Variants in PHRF1 observed in about 807,000 individuals in gnomAD.
PHRF1 encodes the protein PHD and ring finger domains 1.
A neutral mutation model predicts 128.9 loss-of-function variants in PHRF1; 53 were observed. The ratio of observed to expected loss-of-function variants is 0.41; its 90% CI spans 0.33 to 0.52. PHRF1 has a LOEUF of 0.52. Among genes scored for constraint, PHRF1 ranks in the 20% least tolerant of loss-of-function variants. The pLI, the probability that PHRF1 is intolerant of heterozygous loss-of-function variation, is 0.21. For missense variants in PHRF1, 2,503 were observed against 2,284.5 expected (o/e 1.10, Z -1.95); for synonymous variants, 1,178 against 980.6 (o/e 1.20, Z -3.76).
intron 5 of PHRF1, among the ~76,000 whole-genome samples, chr11:591,939 A>G (rs1455515737): frequency 1.3e-5 from 2 of 148,828 alleles, no homozygotes; most frequent in African/African-American, 5.0e-5. Context: ...TCCCGAGACA[A>G]GAGTCTCGCT....
rs771154760 is a variant in PHRF1 at position 609,228 on chromosome 11, G to A, written c.3772G>A (p.Asp1258Asn). The A allele has an allele frequency of 5.7e-5, 92 of 1,610,476 alleles. No individual in the cohort carries two copies. Among genetic ancestry groups the A allele is most frequent in the Non-Finnish European group, 7.7e-5 (91 of 1,179,880 alleles). ...AGCTGAGTGTGAGCCGGACGACCTG[G>A]ACCTGGATTATGGCGACTCCGTGGA... is the stretch of plus-strand genomic sequence containing the variant. ...VAAECEPDDLDLDYGDSVEAG... is the reference protein window; with the variant it reads ...VAAECEPDDLNLDYGDSVEAG... Residue 1258 changes from aspartate to asparagine, a missense_variant, in exon 14 of 18, where the codon GAC becomes AAC. Asp to Asn is a conservative substitution (Grantham distance 23). Coordinates refer to ENST00000264555, the MANE Select transcript of PHRF1 (RefSeq NM_001286581.2).
At chr11:586,285 G>C (rs1162158482) in intron 3 of PHRF1, among the ~76,000 whole-genome samples, 1 of 152,186 alleles carries the variant, frequency 6.6e-6, no homozygotes, top group African/African-American at 2.4e-5. Context: ...GAGCCACCAC[G>C]CCCGGCCAGT....
In PHRF1 at chr11:609,217, C is replaced by T. The variant is rs77409873; in HGVS notation, c.3761C>T (p.Pro1254Leu). The change falls in exon 14 of 18, where the codon CCG (proline) becomes CTG (leucine). Residue 1254 changes from proline to leucine, a missense_variant. Physicochemically the swap from Pro to Leu is moderately conservative, Grantham distance 98. Transcript: ENST00000264555. ...PVLEVAAECE[P>L]DDLDLDYGDS... ...CTGGAGGTGGCAGCTGAGTGTGAGCCGGACGACCTGGACCTGGATTATGGC... is the reference window on the plus strand; with the variant it reads ...CTGGAGGTGGCAGCTGAGTGTGAGCTGGACGACCTGGACCTGGATTATGGC... The T allele has an allele frequency of 1.1e-4, 171 of 1,609,630 alleles. No homozygotes were observed. In the East Asian group the frequency reaches 1.2e-3, roughly 12 times the overall value.
At chr11:610,815 A>G in intron 16 of PHRF1, 54 bp downstream of exon 16, 4 of 1,587,982 alleles carry the variant, frequency 2.5e-6, no homozygotes, top group Non-Finnish European at 3.4e-6. Flanking sequence ...TTTGAAACTA[A>G]AGTTGTTGGG....
At chr11:578,627 C>T (rs1034203313) in intron 1 of PHRF1, among the ~76,000 whole-genome samples, 1 of 152,202 alleles carries the variant, frequency 6.6e-6, no homozygotes, top group Non-Finnish European at 1.5e-5. Flanking sequence ...TGTTTGTTCA[C>T]ATACTATGGC....
Position 609,385 on chromosome 11 carries a change from C to G in PHRF1, c.3929C>G (p.Pro1310Arg), listed in dbSNP as rs755161238. The change falls in exon 14 of 18, where the codon CCC becomes CGC. Residue 1310 changes from proline (P) to arginine (R), a missense_variant. Physicochemically the swap from Pro to Arg is moderately radical, Grantham distance 103 (BLOSUM62 -2). Transcript: ENST00000264555. ...GACTTCCCACTGAAGCCTGCGTTGC[C>G]CCCAGCCAGCCTGGCCGTGGCCGCC... Reference protein sequence around the residue: ...ERDFPLKPALPPASLAVAAIQ... With the variant: ...ERDFPLKPALRPASLAVAAIQ... 2 of 1,611,510 alleles carry G rather than the reference C, an allele frequency of 1.2e-6. No homozygotes were observed. Among genetic ancestry groups the G allele is most frequent in the African/African-American group, 2.7e-5 (2 of 74,956 alleles).
chr11:607,688 C>A lies in PHRF1; in HGVS notation c.2232C>A (p.His744Gln). Residue 744 changes from histidine to glutamine, a missense_variant, in exon 14 of 18, where the codon CAC becomes CAA. Transcript: ENST00000264555. Reference protein sequence around the residue: ...SSRVPREPGVHTGSSRPPAPS... With the variant: ...SSRVPREPGVQTGSSRPPAPS... ...GGGTGCCCCGGGAGCCCGGGGTGCA[C>A]ACGGGCAGCTCCCGGCCCCCAGCCC... 6.2e-7 allele frequency: 1 copy of A among 1,610,250 alleles called. No homozygotes were observed. Among genetic ancestry groups the A allele is most frequent in the Non-Finnish European group, 8.5e-7 (1 of 1,178,334 alleles).
intron 3 of PHRF1, among the ~76,000 whole-genome samples, chr11:583,432 G>A (rs183851954): frequency 2.0e-5 from 3 of 151,836 alleles, no homozygotes; most frequent in Non-Finnish European, 2.9e-5. Context: ...TTGGAGGATC[G>A]CTTGAGCCCA....
chr11:597,239 A>G lies in PHRF1; in HGVS notation c.719-156A>G, dbSNP rs191742029. ...CATTGGCTGGGGGGTTCCGGTCCTC[A>G]GTGTTAGGAGCACCAGGCTCCATGA... On this transcript the variant is annotated intron_variant, in intron 7 of 17. Transcript: ENST00000264555. This position sits in a 1 kb window ranked among gnomAD's most constrained non-coding sequence, Gnocchi z 6.5. Among the ~76,000 whole-genome samples the G allele has an allele frequency of 2.3e-3, 341 of 151,292 alleles. 3 individuals are homozygous for G. Among genetic ancestry groups the G allele is most frequent in the South Asian group, 5.2e-3 (25 of 4,780 alleles).
chr11:577,551 C>T (rs2134152046), intron 1 of PHRF1, among the ~76,000 whole-genome samples: 1 of 152,380 alleles, frequency 6.6e-6, no homozygotes, highest in African/African-American at 2.4e-5. Context: ...AGCATCATGG[C>T]CATGACAAGC....
intron 4 of PHRF1, among the ~76,000 whole-genome samples, chr11:588,124 C>T (rs1458600236): frequency 6.6e-6 from 1 of 152,190 alleles, no homozygotes; most frequent in Non-Finnish European, 1.5e-5. Context: ...ATTGCACCAG[C>T]AGCCCGTGCT....
rs116828268 is a variant in PHRF1 at position 597,074 on chromosome 11, C to T, written c.718+54C>T. Reference sequence around the variant, plus strand: ...CACATGGGCCTTCTCACTGTCCACTCTGCGGTCCCCGGGGTTAGGTTTGGC... The same window carrying T: ...CACATGGGCCTTCTCACTGTCCACTTTGCGGTCCCCGGGGTTAGGTTTGGC... On this transcript the variant is annotated intron_variant, in intron 7 of 17. Coordinates refer to ENST00000264555, the MANE Select transcript of PHRF1 (RefSeq NM_001286581.2). The surrounding 1 kb of genome is among the most constrained non-coding windows in gnomAD (Gnocchi z 6.5). The T allele has an allele frequency of 2.5e-3, 3,832 of 1,553,402 alleles. 74 individuals carry two copies. In the African/African-American group the frequency reaches 0.044, roughly 18 times the overall value.
rs889942299 is a variant in PHRF1, at chr11:607,722, C to T, written c.2266C>T (p.His756Tyr). ...CTCCCGGCCCCCAGCCCCCAGCTCC[C>T]ATGGCAGTTTGGCCCCACTGGGACC... ...GSSRPPAPSS[H>Y]GSLAPLGPSR... Residue 756 changes from histidine to tyrosine, a missense_variant, in exon 14 of 18, where the codon CAT becomes TAT. Physicochemically the swap from His to Tyr is moderately conservative, Grantham distance 83 (BLOSUM62 2). Transcript: ENST00000264555. 4.3e-6 allele frequency: 7 copies of T among 1,611,834 alleles called. No homozygotes were observed. In the African/African-American group the frequency reaches 9.3e-5, roughly 22 times the overall value.
At position 607,671 on chromosome 11, in the gene PHRF1, C is replaced by T. The variant is rs765691554; in HGVS notation, c.2215C>T (p.Arg739Trp). Residue 739 changes from arginine to tryptophan, a missense_variant, in exon 14 of 18, where the codon CGG becomes TGG. By Grantham distance (101) the Arg-to-Trp change is moderately radical (BLOSUM62 -3). Transcript: ENST00000264555. ...AESEASSRVP[R>W]EPGVHTGSSR... Reference sequence around the variant, plus strand: ...GAGCGAGGCCAGCAGCAGGGTGCCCCGGGAGCCCGGGGTGCACACGGGCAG... The same window carrying T: ...GAGCGAGGCCAGCAGCAGGGTGCCCTGGGAGCCCGGGGTGCACACGGGCAG... The T allele has an allele frequency of 1.9e-5, 31 of 1,609,866 alleles. No individual in the cohort carries two copies. The highest frequency in any genetic ancestry group is 6.7e-5 in the East Asian group (3 of 44,780).
rs542486122 is a variant in PHRF1 at position 600,834 on chromosome 11, C to T, written c.1025-740C>T. On this transcript the variant is annotated intron_variant, in intron 9 of 17. Coordinates refer to ENST00000264555, the MANE Select transcript of PHRF1 (RefSeq NM_001286581.2). ...ACAAAAAATTAGCCGGGCATGGTGG[C>T]GGGCGCCTGTAGTCCCAGCTACACG... Among the ~76,000 whole-genome samples the T allele has an allele frequency of 9.9e-5, 15 of 152,202 alleles. No individual in the cohort carries two copies. The South Asian group carries it at 2.7e-3, about 27-fold the overall frequency.
chr11:609,794 G>C lies in PHRF1; in HGVS notation c.4264+74G>C, dbSNP rs377279203. 4 of 1,049,836 alleles carry C rather than the reference G, an allele frequency of 3.8e-6. No homozygotes were observed. In the East Asian group the frequency reaches 1.1e-4, roughly 28 times the overall value. The allele number at this position is 1,049,836 out of a possible 1,614,324, so 65.0% of individuals were successfully genotyped here. A position where few individuals can be genotyped will look rare whatever the true frequency, so the allele number is the denominator to read the frequency against. Reference sequence around the variant, plus strand: ...GGCCCTGGCCCCCGCCGAGGACAGAGCCCCCCGTGAGTAAGGCCCCGGCCT... The same window carrying C: ...GGCCCTGGCCCCCGCCGAGGACAGACCCCCCCGTGAGTAAGGCCCCGGCCT... On this transcript the variant is annotated intron_variant, in intron 14 of 17. Coordinates refer to ENST00000264555, the MANE Select transcript of PHRF1 (RefSeq NM_001286581.2).
At chr11:593,640 G>C (rs1221686188) in intron 6 of PHRF1, among the ~76,000 whole-genome samples, 1 of 152,234 alleles carries the variant, frequency 6.6e-6, no homozygotes, top group African/African-American at 2.4e-5. Flanking sequence ...AGACACTGCA[G>C]GGGCCTCCTT....
chr11:592,786 G>A, intron 6 of PHRF1, 112 bp downstream of exon 6: 1 of 1,201,848 alleles, frequency 8.3e-7, no homozygotes, highest in South Asian at 1.2e-5. Context: ...AGCACCTGGA[G>A]CTGTGCTCAC....
chr11:606,877 C>G lies in PHRF1; in HGVS notation c.1610-189C>G, dbSNP rs957042616. On this transcript the variant is annotated intron_variant, in intron 13 of 17. Coordinates refer to ENST00000264555, the MANE Select transcript of PHRF1 (RefSeq NM_001286581.2). ...TGTCCTGATGGCCTCAGGCACTGTA[C>G]TTTGTCATCCACAGAGTGGCTGTTG... is the stretch of plus-strand genomic sequence containing the variant. The G allele has an allele frequency of 7.6e-6, 8 of 1,052,276 alleles. No individual in the cohort carries two copies. In the African/African-American group the frequency reaches 1.1e-4, roughly 15 times the overall value. 65.2% of individuals were successfully genotyped at this position (1,052,276 alleles called of 1,614,324 possible).
Sources: gnomAD v4.1 joint callset for allele counts (sites outside exome capture counted in the v4.1 genomes callset) on GRCh38, gnomAD v4.1.1 for gene constraint, Gnocchi (gnomAD v3.1) non-coding constraint, MANE v1.5 for transcripts, NCBI Gene and HGNC (gene_info 2026-07-23, HGNC 2026-07-21) for gene names.